The following DAAM1 variants were observed in gnomAD, a reference collection of about 807,000 sequenced individuals.
The protein encoded by DAAM1 is disheveled-associated activator of morphogenesis 1.
Under a neutral mutation model 130.0 loss-of-function variants are expected in DAAM1, and 52 were observed. The observed-to-expected ratio is 0.40, with a 90% CI of 0.32 to 0.50. The LOEUF (loss-of-function observed/expected upper bound fraction) is 0.50. Ranked by LOEUF, DAAM1 falls within the 20% of genes least tolerant of loss-of-function variation. DAAM1 has a pLI of 0.61. For synonymous variants in DAAM1, 452 were observed against 444.5 expected (o/e 1.02, Z -0.21); for missense variants, 1,134 against 1,303.8 (o/e 0.87, Z 2.01).
At chr14:59,345,690 C>G (rs12896930) in intron 16 of DAAM1, among the ~76,000 whole-genome samples, 57,710 of 152,020 alleles carry the variant, frequency 0.38, 13,484 homozygotes, top group East Asian at 0.84. Context: ...GTTGTTCAGC[C>G]CTCACCTTCA....
chr14:59,263,358 C>A, intron 1 of DAAM1, 83 bp from the exon 2 acceptor site: 1 of 1,206,278 alleles, frequency 8.3e-7, no homozygotes, highest in Non-Finnish European at 1.2e-6. Context: ...GCACACGGAG[C>A]TCTTTCTTGA....
intron 22 of DAAM1, chr14:59,362,202 TTG>T (rs1394735421): frequency 1.3e-5 from 2 of 152,008 alleles, no homozygotes; most frequent in African/African-American, 4.8e-5. Context: ...TGGGGAAATT[TTG>T]TGTTGTTGCT....
At chr14:59,314,649 C>T (rs1157478402) in intron 3 of DAAM1, among the ~76,000 whole-genome samples, 2 of 152,164 alleles carry the variant, frequency 1.3e-5, no homozygotes, top group Non-Finnish European at 2.9e-5. Flanking sequence ...CAGTTCTTTT[C>T]CACTCAGAGG....
chr14:59,350,228 C>T (rs1886238566), intron 17 of DAAM1, among the ~76,000 whole-genome samples: 2 of 152,058 alleles, frequency 1.3e-5, no homozygotes, highest in South Asian at 2.1e-4. Flanking sequence ...GGGGATGTCT[C>T]TTCCCTTCGC....
intron 1 of DAAM1, among the ~76,000 whole-genome samples, chr14:59,254,412 T>C (rs1438511401): frequency 2.6e-5 from 4 of 152,194 alleles, no homozygotes; most frequent in Non-Finnish European, 5.9e-5. Flanking sequence ...AGTTGTAATA[T>C]TTTATGTTTT....
Position 59,364,296 on chromosome 14 carries a change from G to C in DAAM1, c.2826+514G>C, listed in dbSNP as rs536926928. ...ATCTCCAGCAGAACTCGCTAAAAGAGATGCATTTTAATTCACAGTCTCATT... is the reference window on the plus strand; with the variant it reads ...ATCTCCAGCAGAACTCGCTAAAAGACATGCATTTTAATTCACAGTCTCATT... On this transcript the variant is annotated intron_variant, in intron 23 of 24. Transcript: ENST00000360909. Among the ~76,000 whole-genome samples, 11 of 151,834 alleles carry C rather than the reference G, an allele frequency of 7.2e-5. No homozygotes were observed. In the East Asian group the frequency reaches 2.1e-3, roughly 29 times the overall value.
rs1049642071 is a variant in DAAM1 at position 59,369,689 on chromosome 14, T to C, written c.*830T>C. 7.8e-6 allele frequency: 1 copy of C among 127,896 alleles called. No individual in the cohort carries two copies. The highest frequency in any genetic ancestry group is 1.6e-5 in the Non-Finnish European group (1 of 62,050). The allele number at this position is 127,896 out of a possible 1,614,324, so 7.9% of individuals were successfully genotyped here. On this transcript the variant is annotated 3_prime_UTR_variant, in exon 25 of 25. Coordinates refer to ENST00000360909, the MANE Select transcript of DAAM1 (RefSeq NM_001270520.2). ...TCTAACAATATAGATATATAAACCT[T>C]AAAAATAATAAAATATCTCACCCAA...
At chr14:59,230,837 A>G (rs991603102) in intron 1 of DAAM1, among the ~76,000 whole-genome samples, 4 of 152,180 alleles carry the variant, frequency 2.6e-5, no homozygotes, top group Non-Finnish European at 5.9e-5. Flanking sequence ...CAAAACATCT[A>G]ATGCACCTCA....
chr14:59,305,859 C>T (rs151235657), intron 3 of DAAM1, among the ~76,000 whole-genome samples: 1 of 152,166 alleles, frequency 6.6e-6, no homozygotes, highest in African/African-American at 2.4e-5. Flanking sequence ...CTATTTCATT[C>T]AGGCCATTCA....
At chr14:59,355,670 G>A (rs1886452876) in intron 20 of DAAM1, among the ~76,000 whole-genome samples, 1 of 152,072 alleles carries the variant, frequency 6.6e-6, no homozygotes, top group South Asian at 2.1e-4. Context: ...ACTAAGAAGA[G>A]GTCAGTCATC....
chr14:59,217,668 C>T lies in DAAM1; in HGVS notation c.-38+28900C>T, dbSNP rs1448379314. Among the ~76,000 whole-genome samples the T allele has an allele frequency of 3.3e-5, 5 of 151,582 alleles. No individual in the cohort carries two copies. In the East Asian group the frequency reaches 9.7e-4, roughly 29 times the overall value. The stretch of plus-strand genomic sequence containing the variant: ...CCTGGGCAAAATAGTGAGACCCTGT[C>T]GCTACAAAAAAGTACAAAAATGAGC... On this transcript the variant is annotated intron_variant, in intron 1 of 24. Transcript: ENST00000360909.
chr14:59,347,463 T>G, intron 16 of DAAM1, 76 bp from the exon 17 acceptor site: 5 of 1,353,538 alleles, frequency 3.7e-6, no homozygotes, highest in Non-Finnish European at 5.2e-6. Context: ...AATCAGCAGC[T>G]GGGGTAGCAA....
intron 1 of DAAM1, among the ~76,000 whole-genome samples, chr14:59,190,823 A>C (rs189945427): frequency 6.6e-6 from 1 of 152,258 alleles, no homozygotes; most frequent in East Asian, 1.9e-4. Flanking sequence ...CCCGACCCCA[A>C]AGTAATCTGA....
intron 17 of DAAM1, among the ~76,000 whole-genome samples, chr14:59,350,643 T>G (rs1028409388): frequency 2.0e-5 from 3 of 152,036 alleles, no homozygotes; most frequent in Admixed American, 6.6e-5. Flanking sequence ...CACTTGCAAC[T>G]TCCCTGTTGC....
rs1339884471 is a variant in DAAM1 at position 59,353,885 on chromosome 14, C to T, written c.2277C>T (p.His759=). 6.2e-7 allele frequency: 1 copy of T among 1,613,946 alleles called. No individual in the cohort carries two copies. The highest frequency in any genetic ancestry group is 8.5e-7 in the Non-Finnish European group (1 of 1,179,900). ...ATGTTTGCTCTTACAGAATTAATCA[C>T]TATCAGCAAAGGTTGCAATCGCTGT... ...RFLFEMSRIN[H]YQQRLQSLYF... is the part of the protein sequence containing the mutation. Residue 759 remains histidine (H), a synonymous_variant, in exon 19 of 25, where the codon CAC becomes CAT. Transcript: ENST00000360909.
chr14:59,229,447 A>G (rs912485863), intron 1 of DAAM1, among the ~76,000 whole-genome samples: 2 of 152,238 alleles, frequency 1.3e-5, no homozygotes, highest in Non-Finnish European at 2.9e-5. Flanking sequence ...AAGCCTATAT[A>G]ATACCCTTGA....
intron 16 of DAAM1, among the ~76,000 whole-genome samples, chr14:59,343,077 C>A (rs569360098): frequency 1.3e-5 from 2 of 152,284 alleles, no homozygotes; most frequent in African/African-American, 4.8e-5. Context: ...AGGGTAGCAG[C>A]CCTGCAGCGG....
At chr14:59,340,238 C>CA in intron 16 of DAAM1, 58 bp downstream of exon 16, 1 of 1,506,506 alleles carries the variant, frequency 6.6e-7, no homozygotes, top group Admixed American at 1.7e-5. Flanking sequence ...TTCTGTGGCT[C>CA]AAAACCACAT....
intron 1 of DAAM1, among the ~76,000 whole-genome samples, chr14:59,240,265 A>G (rs926422257): frequency 1.3e-5 from 2 of 152,144 alleles, no homozygotes; most frequent in Middle Eastern, 3.2e-3. Context: ...TCTTTATTGT[A>G]AAACTATGAT....
Sources: allele counts gnomAD v4.1 joint callset (sites outside exome capture counted in the v4.1 genomes callset), GRCh38; gene constraint gnomAD v4.1.1; transcripts MANE v1.5; gene names NCBI Gene and HGNC (gene_info 2026-07-23, HGNC 2026-07-21).